The following SNX11 variants were observed in gnomAD, a reference collection of about 807,000 sequenced individuals.
The protein encoded by SNX11 is sorting nexin-11.
In SNX11, 19 loss-of-function variants were observed where a neutral mutation model predicts 30.7. That is an observed-to-expected ratio of 0.62 (90% CI 0.43 to 0.91). SNX11 has a LOEUF of 0.91. SNX11 is among the 40% of genes least tolerant of loss of function. The pLI is 0.00. For synonymous variants in SNX11, 112 were observed against 119.0 expected, an observed-to-expected ratio of 0.94 and a Z score of 0.38; for missense variants, 302 against 326.7, an observed-to-expected ratio of 0.92 and a Z score of 0.58.
chr17:48,108,936 ATTTG>A (rs1415406768), intron 1 of SNX11, among the ~76,000 whole-genome samples: 3 of 151,970 alleles, frequency 2.0e-5, no homozygotes, highest in South Asian at 2.1e-4. Flanking sequence ...TCCAGTGTTT[ATTTG>A]TTTGTTTTTT....
At chr17:48,121,136 C>A in intron 6 of SNX11, 99 bp from the exon 7 acceptor site, 1 of 1,338,262 alleles carries the variant, frequency 7.5e-7, no homozygotes, top group Non-Finnish European at 1.0e-6. Flanking sequence ...CAGGCACATG[C>A]CAACATCCCT....
chr17:48,117,959 G>A (rs915529996), intron 4 of SNX11, among the ~76,000 whole-genome samples: 1 of 152,136 alleles, frequency 6.6e-6, no homozygotes. Context: ...AGGCTGCGGC[G>A]AGCTATGCTC....
chr17:48,115,072 T>C (rs1472792723), intron 4 of SNX11, among the ~76,000 whole-genome samples: 1 of 150,068 alleles, frequency 6.7e-6, no homozygotes, highest in African/African-American at 2.5e-5. Context: ...TTCTTTTTTT[T>C]TTTTTTTGAG....
intron 4 of SNX11, among the ~76,000 whole-genome samples, chr17:48,114,684 CTT>C (rs35097487): frequency 3.5e-5 from 4 of 112,882 alleles, no homozygotes; most frequent in Non-Finnish European, 5.1e-5. Context: ...GTTTTTTTTG[CTT>C]TTTTTTTTTT....
chr17:48,119,085 T>C lies in SNX11; in HGVS notation c.438T>C (p.Thr146=), dbSNP rs1298159490. ...GTGTCCAGGGCCGAAGTACCATGAC[T>C]GTGTCTGATGCCATTCTTCGATATG... ...EACVQGRSTM[T]VSDAILRYAM... Residue 146 remains threonine, a synonymous_variant, in exon 6 of 7, where the codon ACT becomes ACC. Transcript: ENST00000359238. 2.0e-5 allele frequency: 33 copies of C among 1,614,132 alleles called. No individual in the cohort carries two copies. The highest frequency in any genetic ancestry group is 2.7e-5 in the Non-Finnish European group (32 of 1,180,018).
At chr17:48,111,076 C>T in intron 1 of SNX11, 1 of 985,116 alleles carries the variant, frequency 1.0e-6, no homozygotes, top group South Asian at 4.7e-5. Context: ...ACCTGTGCAG[C>T]TGTGGGGTGC....
At chr17:48,109,580 T>A (rs2063470380) in intron 1 of SNX11, among the ~76,000 whole-genome samples, 1 of 138,634 alleles carries the variant, frequency 7.2e-6, no homozygotes, top group Non-Finnish European at 1.6e-5. Context: ...TTTTGTTTTT[T>A]GTGTTTTTTT....
At chr17:48,121,190 C>T (rs201502260) in intron 6 of SNX11, 45 bp from the exon 7 acceptor site, 2 of 1,601,906 alleles carry the variant, frequency 1.2e-6, no homozygotes, top group Admixed American at 1.7e-5. Context: ...CCTATGTTAC[C>T]CAAGCTGTTC....
chr17:48,114,920 A>G (rs8069889), intron 4 of SNX11, among the ~76,000 whole-genome samples: 110,089 of 151,104 alleles, frequency 0.73, 40,771 homozygotes, highest in Admixed American at 0.82. Context: ...ACCCATCTCC[A>G]CCTCCCAAAG....
intron 4 of SNX11, 150 bp from the exon 5 acceptor site, chr17:48,118,554 G>A (rs988518786): frequency 6.2e-5 from 36 of 580,960 alleles, no homozygotes; most frequent in Middle Eastern, 6.9e-4. Context: ...CTTCAGCCTG[G>A]GCGACAGAGC....
At chr17:48,114,264 C>T (rs1598333234) in intron 4 of SNX11, among the ~76,000 whole-genome samples, 1 of 149,082 alleles carries the variant, frequency 6.7e-6, no homozygotes, top group East Asian at 2.0e-4. Flanking sequence ...AGAGGTTCTC[C>T]TGCCTCAGCC....
intron 4 of SNX11, among the ~76,000 whole-genome samples, chr17:48,116,595 G>T (rs1859372955): frequency 6.7e-6 from 1 of 148,882 alleles, no homozygotes; most frequent in Admixed American, 6.7e-5. Context: ...TTTTTTCTGA[G>T]GCGGAGTCTC....
chr17:48,114,453 CCTT>C (rs1347745309), intron 4 of SNX11, among the ~76,000 whole-genome samples: 3 of 145,300 alleles, frequency 2.1e-5, no homozygotes, highest in Non-Finnish European at 4.5e-5. Context: ...CATGCCCAGG[CCTT>C]CTTTTTTTTT....
intron 4 of SNX11, among the ~76,000 whole-genome samples, chr17:48,116,550 A>G (rs1398121106): frequency 6.8e-6 from 1 of 147,552 alleles, no homozygotes; most frequent in African/African-American, 2.5e-5. Flanking sequence ...ATAATAGTTG[A>G]TGGTGGGTGT....
intron 3 of SNX11, 91 bp from the exon 4 acceptor site, chr17:48,113,210 C>A: frequency 1.9e-6 from 2 of 1,061,550 alleles, no homozygotes; most frequent in Non-Finnish European, 2.9e-6. Context: ...GATGGCATGG[C>A]TCCTCAGTGA....
chr17:48,121,701 G>A lies in SNX11; in HGVS notation c.*193G>A. On this transcript the variant is annotated 3_prime_UTR_variant, in exon 7 of 7. Transcript: ENST00000359238. ...CTTCCATGGGAACAAATACTGTGCA[G>A]ATGTTTGTAAGTTAAACATAAGACA... The A allele has an allele frequency of 3.3e-6, 2 of 598,748 alleles. No individual in the cohort carries two copies. The highest frequency in any genetic ancestry group is 6.0e-5 in the Admixed American group (2 of 33,106). The allele number at this position is 598,748 out of a possible 1,614,324, so 37.1% of individuals were successfully genotyped here.
intron 1 of SNX11, among the ~76,000 whole-genome samples, chr17:48,111,333 G>A (rs1250224988): frequency 6.6e-6 from 1 of 152,116 alleles, no homozygotes; most frequent in Admixed American, 6.6e-5. Flanking sequence ...CCGGGAGGGG[G>A]TGCTGTTAGG....
chr17:48,115,242 A>G (rs990583315), intron 4 of SNX11, among the ~76,000 whole-genome samples: 3 of 151,094 alleles, frequency 2.0e-5, no homozygotes, highest in Non-Finnish European at 4.4e-5. Flanking sequence ...TTGTGTTTTT[A>G]GTAGTGACAG....
chr17:48,119,634 T>C (rs777526713), intron 6 of SNX11, among the ~76,000 whole-genome samples: 9 of 152,134 alleles, frequency 5.9e-5, no homozygotes, highest in Non-Finnish European at 1.3e-4. Flanking sequence ...GTATTTTTAG[T>C]AGAGACGGGA....
Sources: gnomAD v4.1 joint callset for allele counts (sites outside exome capture counted in the v4.1 genomes callset) on GRCh38, gnomAD v4.1.1 for gene constraint, MANE v1.5 for transcripts, NCBI Gene and HGNC (gene_info 2026-07-23, HGNC 2026-07-21) for gene names.